The following PDE9A variants were observed in gnomAD, a reference collection of about 807,000 sequenced individuals.
PDE9A encodes the protein phosphodiesterase 9A.
A neutral mutation model predicts 87.4 loss-of-function variants in PDE9A; 60 were observed. The ratio of observed to expected loss-of-function variants is 0.69; its 90% CI spans 0.56 to 0.85. The LOEUF (loss-of-function observed/expected upper bound fraction) is 0.85. PDE9A is among the 40% of genes least tolerant of loss of function. PDE9A has a pLI of 0.00. For synonymous variants in PDE9A, 272 were observed against 279.4 expected, an observed-to-expected ratio of 0.97 and a Z score of 0.27; for missense variants, 665 against 779.0, an observed-to-expected ratio of 0.85 and a Z score of 1.74.
At chr21:42,764,524 G>A (rs78083455) in intron 14 of PDE9A, among the ~76,000 whole-genome samples, 68 of 152,314 alleles carry the variant, frequency 4.5e-4, no homozygotes, top group African/African-American at 1.6e-3. Context: ...TGTAGGCCTC[G>A]TCCCACTGAG....
Position 42,742,216 on chromosome 21 carries a change from C to T in PDE9A, c.569-1560C>T, listed in dbSNP as rs547082727. Among the ~76,000 whole-genome samples the T allele has an allele frequency of 4.6e-5, 7 of 152,066 alleles. No homozygotes were observed. In the East Asian group the frequency reaches 1.3e-3, roughly 29 times the overall value. On this transcript the variant is annotated intron_variant, in intron 7 of 19. Coordinates refer to ENST00000291539, the MANE Select transcript of PDE9A (RefSeq NM_002606.3). ...ACTCTGTAACTGCCCAAGGGGTTCA[C>T]CCTGCCTGCTACCTAAACAGAGCTC...
At chr21:42,762,468 G>A (rs1190913381) in intron 14 of PDE9A, among the ~76,000 whole-genome samples, 4 of 152,214 alleles carry the variant, frequency 2.6e-5, no homozygotes, top group South Asian at 4.1e-4. Context: ...GCACTTCCCA[G>A]CCTGTATTTA....
chr21:42,656,540 ACCCTGCAGACATGCCCAGTGATT>A, intron 1 of PDE9A, among the ~76,000 whole-genome samples: 1 of 152,176 alleles, frequency 6.6e-6, no homozygotes, highest in South Asian at 2.1e-4. Context: ...TGTGCAGGTA[ACCCTGCAGACATGCCCAGTGATT>A]CAGAGGAGCC....
intron 4 of PDE9A, among the ~76,000 whole-genome samples, chr21:42,713,888 CT>C (rs59595917): frequency 0.063 from 9,072 of 144,520 alleles, 839 homozygotes; most frequent in African/African-American, 0.21. Flanking sequence ...TTTGTTAAAA[CT>C]TTTTTTTTAA....
chr21:42,658,016 G>C (rs992751804), intron 1 of PDE9A, among the ~76,000 whole-genome samples: 1 of 152,248 alleles, frequency 6.6e-6, no homozygotes, highest in East Asian at 1.9e-4. Context: ...CGCAGAAGTC[G>C]GCTCCCAGTT....
chr21:42,773,913 G>A (rs960466812), intron 19 of PDE9A, among the ~76,000 whole-genome samples: 2 of 151,256 alleles, frequency 1.3e-5, no homozygotes, highest in East Asian at 2.0e-4. Context: ...GACCATCCTG[G>A]CTAACACGGT....
intron 4 of PDE9A, among the ~76,000 whole-genome samples, chr21:42,715,188 C>CTTTTTTTTTTTTTTTTTTTTTTAT (rs369972172): frequency 9.6e-6 from 1 of 104,690 alleles, no homozygotes; most frequent in Non-Finnish European, 1.8e-5. Context: ...TGCATCTTTA[C>CTTTTTTTTTTTTTTTTTTTTTTAT]TTTTTTTTTT....
intron 4 of PDE9A, among the ~76,000 whole-genome samples, chr21:42,720,882 G>A (rs552496025): frequency 1.3e-5 from 2 of 152,002 alleles, no homozygotes; most frequent in East Asian, 3.9e-4. Flanking sequence ...GTGCATGTCT[G>A]TTAACCCAGC....
intron 1 of PDE9A, among the ~76,000 whole-genome samples, chr21:42,657,253 C>T (rs1222921300): frequency 6.6e-6 from 1 of 152,256 alleles, no homozygotes; most frequent in Non-Finnish European, 1.5e-5. Flanking sequence ...CTGTTCCCGT[C>T]ATCTGTTCCT....
At chr21:42,726,454 G>C (rs62213365) in intron 4 of PDE9A, among the ~76,000 whole-genome samples, 16,786 of 150,672 alleles carry the variant, frequency 0.11, 1,164 homozygotes, top group East Asian at 0.33. Context: ...TTACATCTGT[G>C]GTCCACTTTG....
intron 1 of PDE9A, among the ~76,000 whole-genome samples, chr21:42,656,868 A>G (rs1236852851): frequency 6.6e-6 from 1 of 152,160 alleles, no homozygotes; most frequent in African/African-American, 2.4e-5. Context: ...TGGGTCAGTT[A>G]CTTCACTCTG....
At chr21:42,682,895 C>T (rs572928451) in intron 1 of PDE9A, among the ~76,000 whole-genome samples, 19 of 152,324 alleles carry the variant, frequency 1.2e-4, no homozygotes, top group Non-Finnish European at 1.9e-4. Context: ...CAGATCCTTC[C>T]GGAACCTTTG....
At chr21:42,698,221 G>A (rs1456525525) in intron 3 of PDE9A, among the ~76,000 whole-genome samples, 3 of 152,156 alleles carry the variant, frequency 2.0e-5, no homozygotes, top group African/African-American at 4.8e-5. Flanking sequence ...GATGTCTGCC[G>A]CCCTGTGTCC....
chr21:42,671,356 T>A lies in PDE9A; in HGVS notation c.70-14836T>A, dbSNP rs577188528. ...TCTGGCACATGGGAATCCATGGTAA[T>A]TTCTGTCGTTGTTGTATATTCTTTT... On this transcript the variant is annotated intron_variant, in intron 1 of 19. Transcript: ENST00000291539. Among the ~76,000 whole-genome samples the A allele has an allele frequency of 2.5e-4, 38 of 152,368 alleles. 1 individual carries two copies. The South Asian group carries it at 3.1e-3, about 12-fold the overall frequency.
In PDE9A at chr21:42,759,014, G is replaced by A; in HGVS notation, c.826G>A (p.Glu276Lys). 1 of 1,613,936 alleles carries A rather than the reference G, an allele frequency of 6.2e-7. No homozygotes were observed. Among genetic ancestry groups the A allele is most frequent in the East Asian group, 2.2e-5 (1 of 44,876 alleles). Reference protein sequence around the residue: ...WEPNEMLSCLEHMYHDLGLVR... With the variant: ...WEPNEMLSCLKHMYHDLGLVR... The stretch of plus-strand genomic sequence containing the variant: ...GTGCCCACAGATGCTGAGCTGCCTG[G>A]AGCACATGTACCACGACCTCGGGCT... Residue 276 changes from glutamate to lysine, a missense_variant, in exon 11 of 20, where the codon GAG becomes AAG. Physicochemically the swap from Glu to Lys is moderately conservative, Grantham distance 56 (BLOSUM62 1). Coordinates refer to ENST00000291539, the MANE Select transcript of PDE9A (RefSeq NM_002606.3). This position sits in a 1 kb window ranked among gnomAD's most constrained non-coding sequence, Gnocchi z 7.2.
intron 1 of PDE9A, among the ~76,000 whole-genome samples, chr21:42,670,204 TAC>T (rs570761211): frequency 2.9e-4 from 37 of 127,126 alleles, no homozygotes; most frequent in African/African-American, 1.2e-3. Context: ...TTCACACACA[TAC>T]ACTTACATTC....
At chr21:42,771,514 C>G (rs547985580) in intron 18 of PDE9A, among the ~76,000 whole-genome samples, 1 of 152,354 alleles carries the variant, frequency 6.6e-6, no homozygotes, top group South Asian at 2.1e-4. Flanking sequence ...TTTGACCCCT[C>G]CTGGCCTTGG....
At chr21:42,719,243 A>G (rs900336476) in intron 4 of PDE9A, among the ~76,000 whole-genome samples, 20 of 151,730 alleles carry the variant, frequency 1.3e-4, no homozygotes, top group African/African-American at 4.6e-4. Flanking sequence ...CTCTCTGACA[A>G]CCTAAAACTG....
rs1025882493 is a variant in PDE9A, at chr21:42,677,566, G to A, written c.70-8626G>A. 2.6e-5 allele frequency among the ~76,000 whole-genome samples: 4 copies of A among 152,118 alleles called. No homozygotes were observed. In the East Asian group the frequency reaches 7.7e-4, roughly 29 times the overall value. On this transcript the variant is annotated intron_variant, in intron 1 of 19. Coordinates refer to ENST00000291539, the MANE Select transcript of PDE9A (RefSeq NM_002606.3). ...CCCCTAAGTGCTTCACATCAACACT[G>A]TTCTTTTGTGACGGTGCTGCTGTCT...
Sources: allele counts gnomAD v4.1 joint callset (sites outside exome capture counted in the v4.1 genomes callset), GRCh38; gene constraint gnomAD v4.1.1; non-coding constraint Gnocchi (gnomAD v3.1); transcripts MANE v1.5; gene names NCBI Gene and HGNC (gene_info 2026-07-23, HGNC 2026-07-21).